The following GPI variants were observed in gnomAD, a reference collection of about 807,000 sequenced individuals.
The protein encoded by GPI is D-hexose-6-phosphate anomerase.
In GPI, 56 loss-of-function variants were observed where a neutral mutation model predicts 75.8. The ratio of observed to expected loss-of-function variants is 0.74; its 90% CI spans 0.60 to 0.92. The LOEUF (loss-of-function observed/expected upper bound fraction) is 0.92, where lower values mean the gene tolerates loss of function less well. Ranked by LOEUF, GPI falls within the 40% of genes least tolerant of loss-of-function variation. The pLI is 0.00. For synonymous variants in GPI, 288 were observed against 285.4 expected (o/e 1.01, Z -0.09); for missense variants, 638 against 741.0 (o/e 0.86, Z 1.61).
rs1289083896 is a variant in GPI, at chr19:34,379,985, GTTTTGTTT to G, written c.750+428_750+435del. Reference sequence around the variant, plus strand: ...TTTTGCCCCCTACTTAGTGTGTGTGGTTTTGTTTTTTTTTTTTTTTTTTTTTTTTTTAA... The same window carrying G: ...TTTTGCCCCCTACTTAGTGTGTGTGGTTTTTTTTTTTTTTTTTTTTTTTAA... On this transcript the variant is annotated intron_variant, in intron 8 of 17. Transcript: ENST00000356487. The G allele has an allele frequency of 1.9e-4, 24 of 127,958 alleles. 2 individuals are homozygous for G. The highest frequency in any genetic ancestry group is 7.5e-4 in the African/African-American group (19 of 25,232). 7.9% of individuals were successfully genotyped at this position (127,958 alleles called of 1,614,324 possible).
chr19:34,361,672 T>G (rs2074302195), upstream of GPI, among the ~76,000 whole-genome samples: 1 of 152,154 alleles, frequency 6.6e-6, no homozygotes, highest in African/African-American at 2.4e-5. Flanking sequence ...GATAGGAACC[T>G]AGTTTCCTGC....
In GPI at chr19:34,365,328, G is replaced by A. The variant is rs747084719; in HGVS notation, c.62G>A (p.Arg21His). ...CTGCAGCAATGGTACCGCGAGCACC[G>A]CTCCGAGCTGAACCTGCGCCGCCTC... ...QKLQQWYREH[R>H]SELNLRRLFD... The change falls in exon 1 of 18, where the codon CGC becomes CAC. Residue 21 changes from arginine (R) to histidine (H), a missense_variant. Physicochemically the swap from Arg to His is conservative, Grantham distance 29. Transcript: ENST00000356487. 5.7e-6 allele frequency: 9 copies of A among 1,591,364 alleles called. No homozygotes were observed. In the African/African-American group the frequency reaches 6.9e-5, roughly 12 times the overall value.
intron 6 of GPI, 40 bp from the exon 7 acceptor site, chr19:34,378,894 C>T: frequency 2.6e-6 from 4 of 1,535,352 alleles, no homozygotes; most frequent in Non-Finnish European, 3.6e-6. Context: ...TGCACCCACC[C>T]CTAAGCTCGG....
chr19:34,391,623 G>T (rs901043681), intron 9 of GPI, among the ~76,000 whole-genome samples: 1 of 292 alleles, frequency 3.4e-3, no homozygotes, highest in South Asian at 0.056. Context: ...TGAGGATCCG[G>T]GTCTGTCAAT....
At chr19:34,377,988 G>A (rs998496126) in intron 6 of GPI, 107 bp downstream of exon 6, 63 of 1,145,160 alleles carry the variant, frequency 5.5e-5, no homozygotes, top group Non-Finnish European at 7.1e-5. Flanking sequence ...GGTGGGTTCC[G>A]AGTGAACCAT....
At chr19:34,381,648 A>G in intron 9 of GPI, 129 bp downstream of exon 9, 2 of 786,520 alleles carry the variant, frequency 2.5e-6, no homozygotes, top group South Asian at 2.7e-5. Flanking sequence ...GGAAAGGTAG[A>G]GAGGCCCTCA....
Position 34,393,514 on chromosome 19 carries a change from A to G in GPI, c.865+206A>G, listed in dbSNP as rs2074897294. On this transcript the variant is annotated intron_variant, in intron 10 of 17. Transcript: ENST00000356487. The surrounding 1 kb of genome is among the most constrained non-coding windows in gnomAD (Gnocchi z 4.4). ...GTTGGCCCCCGTCTTTGCCCCTCAC[A>G]ACTGCAGTCCTGTTTCTCTCCTATC... 2 of 707,776 alleles carry G rather than the reference A, an allele frequency of 2.8e-6. No individual in the cohort carries two copies. The highest frequency in any genetic ancestry group is 3.2e-5 in the South Asian group (2 of 62,880). The allele number at this position is 707,776 out of a possible 1,614,324, so 43.8% of individuals were successfully genotyped here. A position where few individuals can be genotyped will look rare whatever the true frequency, so the allele number is the denominator to read the frequency against.
intron 8 of GPI, chr19:34,381,081 A>G (rs1025957760): frequency 5.7e-6 from 2 of 351,140 alleles, no homozygotes; most frequent in East Asian, 1.4e-4. Context: ...CCCTGCCCAC[A>G]CTTGGGTCCC....
upstream of GPI, chr19:34,364,711 T>C (rs2074327903): frequency 2.5e-6 from 1 of 398,662 alleles, no homozygotes; most frequent in East Asian, 3.7e-5. Context: ...ACCCCGATTC[T>C]CAGCACCCTT....
At chr19:34,377,336 AATATATATAT>A (rs1243864461) in intron 4 of GPI, among the ~76,000 whole-genome samples, 157 bp from the exon 5 acceptor site, 1,185 of 49,342 alleles carry the variant, frequency 0.024, 23 homozygotes, top group Non-Finnish European at 0.032. Flanking sequence ...AAAAAAAAAA[AATATATATAT>A]ATATATATAT....
At chr19:34,389,506 A>G (rs917186202) in intron 9 of GPI, among the ~76,000 whole-genome samples, 3 of 152,178 alleles carry the variant, frequency 2.0e-5, no homozygotes, top group African/African-American at 7.2e-5. Flanking sequence ...AGCCCAAGGC[A>G]TCTACTGGAT....
At chr19:34,376,249 C>T (rs938477863) in intron 4 of GPI, among the ~76,000 whole-genome samples, 6 of 152,098 alleles carry the variant, frequency 3.9e-5, no homozygotes, top group East Asian at 1.9e-4. Flanking sequence ...CGTAGCAAGA[C>T]GCTGTCTCTA....
chr19:34,391,296 A>G (rs796638428), intron 9 of GPI, among the ~76,000 whole-genome samples: 69 of 3,874 alleles, frequency 0.018, no homozygotes, highest in Middle Eastern at 0.038. Flanking sequence ...TAAGGAGGTA[A>G]GATCTGGCCC....
chr19:34,393,615 G>A lies in GPI; in HGVS notation c.866-113G>A. On this transcript the variant is annotated intron_variant, in intron 10 of 17. Transcript: ENST00000356487. The surrounding 1 kb of genome is among the most constrained non-coding windows in gnomAD (Gnocchi z 4.4). Reference sequence around the variant, plus strand: ...TTTGTCTAGGTCCGAGTCCTCCCATGTCGTATCTTCTGGCTCTCCATGCAG... The same window carrying A: ...TTTGTCTAGGTCCGAGTCCTCCCATATCGTATCTTCTGGCTCTCCATGCAG... 9.6e-7 allele frequency: 1 copy of A among 1,038,534 alleles called. No individual in the cohort carries two copies. Among genetic ancestry groups the A allele is most frequent in the Admixed American group, 1.7e-5 (1 of 58,030 alleles). The allele number at this position is 1,038,534 out of a possible 1,614,324, so 64.3% of individuals were successfully genotyped here.
In GPI at chr19:34,381,494, C is replaced by T. The variant is rs1171664777; in HGVS notation, c.779C>T (p.Pro260Leu). 3.1e-6 allele frequency: 5 copies of T among 1,609,518 alleles called. No homozygotes were observed. The highest frequency in any genetic ancestry group is 4.3e-6 in the Non-Finnish European group (5 of 1,175,956). ...AAAGTGAAGGAGTTTGGAATTGACC[C>T]TCAAAACATGTTCGAGTTCTGGGAT... is the stretch of plus-strand genomic sequence containing the variant. ...TTKVKEFGIDPQNMFEFWDWV... is the reference protein window; with the variant it reads ...TTKVKEFGIDLQNMFEFWDWV... Residue 260 changes from proline (P) to leucine (L), a missense_variant, in exon 9 of 18, where the codon CCT becomes CTT. Pro to Leu is a moderately conservative substitution (Grantham distance 98). Transcript: ENST00000356487.
At chr19:34,365,622 G>T in intron 1 of GPI, 1 of 713,268 alleles carries the variant, frequency 1.4e-6, no homozygotes, top group Non-Finnish European at 2.4e-6. Context: ...TTCGTTACGA[G>T]GAAAAACGGG....
At chr19:34,389,447 A>G (rs8191411) in intron 9 of GPI, among the ~76,000 whole-genome samples, 5 of 152,074 alleles carry the variant, frequency 3.3e-5, no homozygotes, top group Admixed American at 6.5e-5. Flanking sequence ...GGAAGGTGCT[A>G]TGCTTCCCCC....
At chr19:34,388,668 G>A (rs1051585039) in intron 9 of GPI, among the ~76,000 whole-genome samples, 13 of 152,282 alleles carry the variant, frequency 8.5e-5, no homozygotes, top group South Asian at 2.1e-4. Flanking sequence ...TTGAGGGTTC[G>A]GAGGCTCAGG....
intron 4 of GPI, 22 bp downstream of exon 4, chr19:34,368,724 C>G (rs780256891): frequency 2.7e-5 from 44 of 1,614,058 alleles, no homozygotes; most frequent in Non-Finnish European, 3.6e-5. Flanking sequence ...CTGGGCCGGA[C>G]TCACCCTTGG....
Sources: allele counts gnomAD v4.1 joint callset (sites outside exome capture counted in the v4.1 genomes callset), GRCh38; gene constraint gnomAD v4.1.1; non-coding constraint Gnocchi (gnomAD v3.1); transcripts MANE v1.5; gene names NCBI Gene and HGNC (gene_info 2026-07-23, HGNC 2026-07-21).